The following USP37 variants were observed in gnomAD, a reference collection of about 807,000 sequenced individuals.
USP37 encodes ubiquitin specific peptidase 37.
USP37 carries 27 observed loss-of-function variants against 124.0 expected under a neutral mutation model. The observed-to-expected ratio is 0.22, with a 90% CI of 0.16 to 0.30. The LOEUF is 0.30. Among genes scored for constraint, USP37 ranks in the 10% least tolerant of loss-of-function variants. The probability of loss-of-function intolerance (pLI) is 1.00; values close to 1 mark genes in which losing one functional copy is unlikely to be tolerated. For synonymous variants in USP37, 365 were observed against 388.0 expected (o/e 0.94, Z 0.70); for missense variants, 889 against 1,140.4 (o/e 0.78, Z 3.17).
At chr2:218,532,096 C>T (rs1314605878) in intron 9 of USP37, among the ~76,000 whole-genome samples, 2 of 152,164 alleles carry the variant, frequency 1.3e-5, no homozygotes, top group African/African-American at 4.8e-5. Context: ...GGGTAAAATG[C>T]TATCAAGCAG....
intron 23 of USP37, among the ~76,000 whole-genome samples, chr2:218,459,204 T>C (rs999179601): frequency 1.3e-5 from 2 of 152,068 alleles, no homozygotes; most frequent in Non-Finnish European, 2.9e-5. Flanking sequence ...TAACTAAAGG[T>C]AATTTTTTCC....
intron 9 of USP37, among the ~76,000 whole-genome samples, chr2:218,532,231 A>G (rs1691368002): frequency 6.6e-6 from 1 of 152,006 alleles, no homozygotes; most frequent in Admixed American, 6.6e-5. Context: ...ACTTTGAGAT[A>G]CTGAGGCAGG....
intron 20 of USP37, among the ~76,000 whole-genome samples, chr2:218,468,402 T>C (rs1363102320): frequency 6.6e-6 from 1 of 150,938 alleles, no homozygotes; most frequent in Non-Finnish European, 1.5e-5. Context: ...TTTGTATTTT[T>C]AGTAGAGGCG....
rs368709923 is a variant in USP37, at chr2:218,546,906, A to T, written c.602+13T>A. On this transcript the variant is annotated intron_variant, in intron 7 of 25. Coordinates refer to ENST00000258399, the MANE Select transcript of USP37 (RefSeq NM_020935.3). Reference sequence around the variant, plus strand: ...CAGATACAGCTAGTGACTAAGAAAAAAGTCTCTCCTACCGATTTTCTAGCA... The same window carrying T: ...CAGATACAGCTAGTGACTAAGAAAATAGTCTCTCCTACCGATTTTCTAGCA... 14 of 1,601,216 alleles carry T rather than the reference A, an allele frequency of 8.7e-6. No homozygotes were observed. The African/African-American group carries it at 1.6e-4, about 19-fold the overall frequency.
intron 10 of USP37, among the ~76,000 whole-genome samples, chr2:218,513,319 A>G (rs1040921120): frequency 1.4e-4 from 21 of 152,118 alleles, no homozygotes; most frequent in Non-Finnish European, 3.1e-4. Context: ...GCGTGAGCCA[A>G]CCATGCCCAG....
intron 15 of USP37, 129 bp downstream of exon 15, chr2:218,488,175 C>CAAAAAAAA (rs66581703): frequency 1.6e-4 from 55 of 349,694 alleles, no homozygotes; most frequent in East Asian, 2.2e-4. Flanking sequence ...GACCCTGTCT[C>CAAAAAAAA]AAAAAAAAAA....
chr2:218,480,810 T>C (rs779839496), intron 17 of USP37, among the ~76,000 whole-genome samples: 2 of 152,180 alleles, frequency 1.3e-5, no homozygotes, highest in African/African-American at 2.4e-5. Context: ...GCAAGAGTAA[T>C]AGCTCTACCA....
In USP37 at chr2:218,467,930, C is replaced by G. The variant is rs1427248078; in HGVS notation, c.2300-1754G>C. On this transcript the variant is annotated intron_variant, in intron 20 of 25. Coordinates refer to ENST00000258399, the MANE Select transcript of USP37 (RefSeq NM_020935.3). Reference sequence around the variant, plus strand: ...TAAGACTGAGTCTTGCTCTGTCGCCCAGGGTGGAGTGCAGCGGCACAATAT... The same window carrying G: ...TAAGACTGAGTCTTGCTCTGTCGCCGAGGGTGGAGTGCAGCGGCACAATAT... Among the ~76,000 whole-genome samples, 3 of 151,320 alleles carry G rather than the reference C, an allele frequency of 2.0e-5. No homozygotes were observed. In the East Asian group the frequency reaches 5.8e-4, roughly 29 times the overall value.
At chr2:218,462,946 C>A (rs1690092749) in intron 22 of USP37, among the ~76,000 whole-genome samples, 1 of 152,004 alleles carries the variant, frequency 6.6e-6, no homozygotes, top group Non-Finnish European at 1.5e-5. Flanking sequence ...GAGGGTGGAT[C>A]ACTTGAAGCC....
rs760183920 is a variant in USP37, at chr2:218,553,631, T to G, written c.250A>C (p.Ile84Leu). 1 of 1,614,062 alleles carries G rather than the reference T, an allele frequency of 6.2e-7. No homozygotes were observed. The highest frequency in any genetic ancestry group is 8.5e-7 in the Non-Finnish European group (1 of 1,179,968). ...GCATCCTTACTTGGTACTTTGTCAA[T>G]AGACAAGAAGCTGTTATCTTGCAGA... The part of the protein sequence containing the change: ...LTLQDNSFLS[I>L]DKVPSKDAEE... Residue 84 changes from isoleucine (I) to leucine (L), a missense_variant, in exon 5 of 26, where the codon ATT (isoleucine) becomes CTT (leucine). Transcript: ENST00000258399.
At chr2:218,503,031 TAG>T (rs1230073513) in intron 11 of USP37, among the ~76,000 whole-genome samples, 1 of 152,222 alleles carries the variant, frequency 6.6e-6, no homozygotes, top group African/African-American at 2.4e-5. Flanking sequence ...ATTATCACGT[TAG>T]AGTTCTATAT....
In USP37 at chr2:218,535,978, T is replaced by C. The variant is rs889541694; in HGVS notation, c.681-1272A>G. 3.8e-5 allele frequency among the ~76,000 whole-genome samples: 5 copies of C among 131,466 alleles called. No individual in the cohort carries two copies. In the South Asian group the frequency reaches 9.2e-4, roughly 24 times the overall value. 86.2% of individuals were successfully genotyped at this position (131,466 alleles called of 152,430 possible). On this transcript the variant is annotated intron_variant, in intron 8 of 25. Transcript: ENST00000258399. ...TTGCAGTGAGCCAGGGATCACGCCA[T>C]TGCACTCCAGAATGGGTGACAAGAG...
intron 1 of USP37, among the ~76,000 whole-genome samples, chr2:218,567,516 T>G (rs1335797765): frequency 6.6e-6 from 1 of 152,172 alleles, no homozygotes; most frequent in African/African-American, 2.4e-5. Context: ...ACTGCCTACT[T>G]GACATTCCCT....
chr2:218,561,161 T>C (rs1045125958), intron 2 of USP37, among the ~76,000 whole-genome samples: 4 of 152,332 alleles, frequency 2.6e-5, no homozygotes, highest in East Asian at 3.9e-4. Context: ...TCTGTAATAC[T>C]TTTTTCTGCA....
chr2:218,472,458 ATC>A (rs138037400), intron 20 of USP37, among the ~76,000 whole-genome samples: 6,011 of 151,064 alleles, frequency 0.04, 146 homozygotes, highest in East Asian at 0.12. Context: ...GTCAGCCTGA[ATC>A]TCTCTCTCTT....
At chr2:218,483,930 G>A (rs139815902) in intron 16 of USP37, among the ~76,000 whole-genome samples, 56 of 152,162 alleles carry the variant, frequency 3.7e-4, no homozygotes, top group African/African-American at 1.2e-3. Flanking sequence ...AGGCCGAGGC[G>A]GCCACATCAC....
In USP37 at chr2:218,498,129, T is replaced by G. The variant is rs765127806; in HGVS notation, c.1054A>C (p.Met352Leu). 6.3e-7 allele frequency: 1 copy of G among 1,595,514 alleles called. No homozygotes were observed. The highest frequency in any genetic ancestry group is 2.2e-5 in the East Asian group (1 of 44,752). ...AATAGAGATTGTAGAATAGCATTCA[T>G]ATAGCAGGTATTTCCCAAATTGGAG... ...GFSNLGNTCY[M>L]NAILQSLFSL... Residue 352 changes from methionine (M) to leucine (L), a missense_variant, in exon 12 of 26, where the codon ATG becomes CTG. Physicochemically the swap from Met to Leu is conservative, Grantham distance 15. This residue lies in a region of USP37 where 11 missense variants were observed against 40.1 expected (regional missense o/e 0.27). Coordinates refer to ENST00000258399, the MANE Select transcript of USP37 (RefSeq NM_020935.3).
intron 22 of USP37, 151 bp from the exon 23 acceptor site, chr2:218,460,056 G>T: frequency 3.7e-6 from 1 of 270,056 alleles, no homozygotes. Flanking sequence ...CATGGTCAGA[G>T]ATGGGGTAGA....
chr2:218,523,765 T>C (rs942788043), intron 10 of USP37, among the ~76,000 whole-genome samples: 6 of 152,168 alleles, frequency 3.9e-5, no homozygotes, highest in Non-Finnish European at 8.8e-5. Context: ...TCTCTTTGTG[T>C]TAAATATTTA....
Sources: allele counts gnomAD v4.1 joint callset (sites outside exome capture counted in the v4.1 genomes callset), GRCh38; gene constraint gnomAD v4.1.1; regional missense constraint gnomAD v4.1.1; transcripts MANE v1.5; gene names NCBI Gene and HGNC (gene_info 2026-07-23, HGNC 2026-07-21).